CNTN3: variants seen among roughly 807,000 people sequenced by gnomAD.
CNTN3 encodes contactin 3.
CNTN3 carries 60 observed loss-of-function variants against 119.1 expected under a neutral mutation model. That is an observed-to-expected ratio of 0.50 (90% CI 0.41 to 0.62). CNTN3 has a LOEUF of 0.62. Ranked by LOEUF, CNTN3 falls within the 20% of genes least tolerant of loss-of-function variation. The pLI is 0.00. For synonymous variants in CNTN3, 450 were observed against 438.7 expected (o/e 1.03, Z -0.32); for missense variants, 1,101 against 1,242.4 (o/e 0.89, Z 1.71).
chr3:74,391,157 C>CCAGGATCA (rs1274885310), intron 5 of CNTN3, among the ~76,000 whole-genome samples: 3 of 152,136 alleles, frequency 2.0e-5, no homozygotes, highest in African/African-American at 7.2e-5. Context: ...ACAGGCTCCC[C>CCAGGATCA]CAGGATCATC....
intron 4 of CNTN3, among the ~76,000 whole-genome samples, chr3:74,452,728 G>A (rs903700206): frequency 8.2e-5 from 12 of 147,100 alleles, no homozygotes; most frequent in Non-Finnish European, 1.2e-4. Context: ...AGCATGAAGA[G>A]TTGTTGAATT....
chr3:74,459,101 T>A (rs56135242), intron 4 of CNTN3, among the ~76,000 whole-genome samples: 2,588 of 152,144 alleles, frequency 0.017, 37 homozygotes, highest in Non-Finnish European at 0.026. Context: ...CCAGACTGAC[T>A]GGACTCCTCA....
At chr3:74,590,800 A>C (rs1704688592) in intron 1 of CNTN3, among the ~76,000 whole-genome samples, 2 of 152,056 alleles carry the variant, frequency 1.3e-5, no homozygotes, top group South Asian at 4.1e-4. Context: ...GATGTCACTA[A>C]GAGTTGTGCA....
intron 19 of CNTN3, among the ~76,000 whole-genome samples, chr3:74,288,351 G>T (rs893883323): frequency 9.2e-5 from 14 of 151,716 alleles, no homozygotes; most frequent in African/African-American, 2.9e-4. Context: ...TAGAGACAGG[G>T]TCTCACCATG....
chr3:74,495,829 T>C (rs1703052831), intron 3 of CNTN3, among the ~76,000 whole-genome samples: 1 of 152,088 alleles, frequency 6.6e-6, no homozygotes, highest in Admixed American at 6.6e-5. Flanking sequence ...ACAACTTCTG[T>C]ATCCAAGATT....
At chr3:74,279,932 A>G (rs558543917) in intron 20 of CNTN3, among the ~76,000 whole-genome samples, 24 of 152,248 alleles carry the variant, frequency 1.6e-4, no homozygotes, top group African/African-American at 5.8e-4. Flanking sequence ...AAATAGAATG[A>G]CTAAGACCTA....
Position 74,299,976 on chromosome 3 carries a change from G to T in CNTN3, c.2096-38C>A, listed in dbSNP as rs776668098. The T allele has an allele frequency of 3.5e-5, 45 of 1,272,794 alleles. No homozygotes were observed. In the African/African-American group the frequency reaches 6.2e-4, roughly 18 times the overall value. 78.8% of individuals were successfully genotyped at this position (1,272,794 alleles called of 1,614,324 possible). A position where few individuals can be genotyped will look rare whatever the true frequency, so the allele number is the denominator to read the frequency against. The stretch of plus-strand genomic sequence containing the variant: ...GAGAAACAGAGATGAAATGGTACTT[G>T]CATTTAGTAATATTTATCTAAAAGA... On this transcript the variant is annotated intron_variant, in intron 16 of 22. Transcript: ENST00000263665.
chr3:74,504,528 A>T (rs1703218821), intron 2 of CNTN3, among the ~76,000 whole-genome samples: 1 of 152,200 alleles, frequency 6.6e-6, no homozygotes, highest in South Asian at 2.1e-4. Flanking sequence ...AAAATGCCAA[A>T]GAAACAAGAC....
rs1013872168 is a variant in CNTN3 at position 74,334,088 on chromosome 3, T to G, written c.1668+647A>C. Among the ~76,000 whole-genome samples, 4 of 152,218 alleles carry G rather than the reference T, an allele frequency of 2.6e-5. No individual in the cohort carries two copies. The South Asian group carries it at 8.3e-4, about 31-fold the overall frequency. ...GACCATTCCCCTCAAAGTGACAATT[T>G]TTCCTTAAAATCTGTAAATCTTTCT... is the stretch of plus-strand genomic sequence containing the variant. On this transcript the variant is annotated intron_variant, in intron 13 of 22. Coordinates refer to ENST00000263665, the MANE Select transcript of CNTN3 (RefSeq NM_020872.3).
At chr3:74,457,063 A>G (rs1702283236) in intron 4 of CNTN3, among the ~76,000 whole-genome samples, 2 of 152,046 alleles carry the variant, frequency 1.3e-5, no homozygotes, top group African/African-American at 2.4e-5. Flanking sequence ...AAAATGTCAT[A>G]TTTTATAAAG....
intron 4 of CNTN3, among the ~76,000 whole-genome samples, chr3:74,478,280 T>C (rs752622830): frequency 3.9e-5 from 6 of 152,004 alleles, no homozygotes; most frequent in Non-Finnish European, 5.9e-5. Context: ...AAATGCAATA[T>C]GACAATGGGA....
chr3:74,429,527 G>C (rs1701749398), intron 4 of CNTN3, among the ~76,000 whole-genome samples: 1 of 151,848 alleles, frequency 6.6e-6, no homozygotes, highest in Admixed American at 6.6e-5. Context: ...TAAAACTATA[G>C]AACTTTTATT....
intron 13 of CNTN3, among the ~76,000 whole-genome samples, chr3:74,312,484 C>T (rs974607781): frequency 1.7e-5 from 2 of 120,622 alleles, no homozygotes; most frequent in African/African-American, 7.5e-5. Flanking sequence ...AAAAAAAATG[C>T]TCTGCCCTCA....
chr3:74,373,128 A>C (rs1704383273), intron 5 of CNTN3, among the ~76,000 whole-genome samples: 1 of 152,220 alleles, frequency 6.6e-6, no homozygotes, highest in Non-Finnish European at 1.5e-5. Context: ...TGAGCTCTAA[A>C]GTCACTTATC....
At chr3:74,514,468 C>T (rs1703419143) in intron 2 of CNTN3, among the ~76,000 whole-genome samples, 1 of 152,010 alleles carries the variant, frequency 6.6e-6, no homozygotes, top group Non-Finnish European at 1.5e-5. Flanking sequence ...CAATCAGCCA[C>T]CTTAGGAAAA....
chr3:74,405,119 T>C (rs1705292699), intron 5 of CNTN3, among the ~76,000 whole-genome samples: 1 of 152,084 alleles, frequency 6.6e-6, no homozygotes, highest in African/African-American at 2.4e-5. Flanking sequence ...AAAGTGTGTC[T>C]TATCCTTACA....
At chr3:74,603,505 G>A (rs183865907) in intron 1 of CNTN3, among the ~76,000 whole-genome samples, 82 of 152,240 alleles carry the variant, frequency 5.4e-4, no homozygotes, top group African/African-American at 1.9e-3. Context: ...CTCATGCAAC[G>A]CAGATGAATA....
At chr3:74,331,470 C>G (rs1703264036) in intron 13 of CNTN3, among the ~76,000 whole-genome samples, 1 of 152,082 alleles carries the variant, frequency 6.6e-6, no homozygotes, top group African/African-American at 2.4e-5. Flanking sequence ...AATGTATCCC[C>G]ATCGTTAAGC....
intron 13 of CNTN3, among the ~76,000 whole-genome samples, chr3:74,319,889 T>C (rs1162695596): frequency 6.6e-6 from 1 of 151,018 alleles, no homozygotes; most frequent in Non-Finnish European, 1.5e-5. Context: ...AAAGAAGACA[T>C]TTATGCAGCC....
Sources: allele counts gnomAD v4.1 joint callset (sites outside exome capture counted in the v4.1 genomes callset), GRCh38; gene constraint gnomAD v4.1.1; transcripts MANE v1.5; gene names NCBI Gene and HGNC (gene_info 2026-07-23, HGNC 2026-07-21).